VAV3: variants seen among roughly 807,000 people sequenced by gnomAD.
VAV3 encodes the protein guanine nucleotide exchange factor VAV3.
In VAV3, 94 loss-of-function variants were observed where a neutral mutation model predicts 131.2. The observed-to-expected ratio is 0.72, with a 90% CI of 0.61 to 0.85. The LOEUF (loss-of-function observed/expected upper bound fraction) is 0.85. Ranked by LOEUF, VAV3 falls within the 40% of genes least tolerant of loss-of-function variation. The pLI is 0.00. For synonymous variants in VAV3, 349 were observed against 342.0 expected (o/e 1.02, Z -0.22); for missense variants, 939 against 1,002.7 (o/e 0.94, Z 0.86).
chr1:107,888,219 A>T (rs1671132878), intron 1 of VAV3, among the ~76,000 whole-genome samples: 1 of 152,212 alleles, frequency 6.6e-6, no homozygotes, highest in Non-Finnish European at 1.5e-5. Flanking sequence ...GTGCAACTAA[A>T]AACAAAGTGC....
intron 2 of VAV3, among the ~76,000 whole-genome samples, chr1:107,815,036 A>AT (rs1401556869): frequency 5.3e-5 from 8 of 152,228 alleles, no homozygotes; most frequent in Admixed American, 1.3e-4. Flanking sequence ...GGAAAATTCC[A>AT]TATCAGTTTT....
chr1:107,798,758 C>T (rs562070287), intron 2 of VAV3, among the ~76,000 whole-genome samples: 19 of 148,950 alleles, frequency 1.3e-4, no homozygotes, highest in East Asian at 1.2e-3. Flanking sequence ...GAACATGCAC[C>T]GAACTGTCAA....
At chr1:107,678,061 T>C (rs1232537784) in intron 19 of VAV3, 1 of 152,068 alleles carries the variant, frequency 6.6e-6, no homozygotes, top group Non-Finnish European at 1.5e-5. Context: ...TACAAGAAGA[T>C]CAACTGTCCT....
At chr1:107,579,959 G>A (rs1570551110) in intron 25 of VAV3, among the ~76,000 whole-genome samples, 1 of 152,116 alleles carries the variant, frequency 6.6e-6, no homozygotes, top group East Asian at 1.9e-4. Flanking sequence ...CAAAAGTCCA[G>A]CCCAGACCCC....
intron 2 of VAV3, among the ~76,000 whole-genome samples, chr1:107,866,917 G>T (rs926802224): frequency 6.7e-6 from 1 of 148,158 alleles, no homozygotes; most frequent in African/African-American, 2.5e-5. Context: ...AAATAGAAAT[G>T]TCTCCAAAGG....
At chr1:107,963,850 C>T (rs1675269313) in intron 1 of VAV3, among the ~76,000 whole-genome samples, 2 of 152,238 alleles carry the variant, frequency 1.3e-5, no homozygotes, top group African/African-American at 4.8e-5. Context: ...TACTCTTCCA[C>T]TGAACTGTGA....
chr1:107,707,261 G>T (rs1244025247), intron 15 of VAV3, among the ~76,000 whole-genome samples: 2 of 152,144 alleles, frequency 1.3e-5, no homozygotes, highest in Non-Finnish European at 2.9e-5. Context: ...CCCTGAAACT[G>T]CTGCTGAGGC....
intron 20 of VAV3, among the ~76,000 whole-genome samples, chr1:107,623,675 C>T (rs1370356759): frequency 6.6e-6 from 1 of 152,200 alleles, no homozygotes; most frequent in Non-Finnish European, 1.5e-5. Context: ...CCAAGCCTAC[C>T]TGCATATGGT....
At chr1:107,593,231 A>G (rs1651107177) in intron 25 of VAV3, among the ~76,000 whole-genome samples, 1 of 152,132 alleles carries the variant, frequency 6.6e-6, no homozygotes, top group African/African-American at 2.4e-5. Context: ...TTTGCATAAG[A>G]TAGTCCTGTC....
chr1:107,923,432 T>A (rs1447772474), intron 1 of VAV3, among the ~76,000 whole-genome samples: 1 of 152,110 alleles, frequency 6.6e-6, no homozygotes, highest in Non-Finnish European at 1.5e-5. Flanking sequence ...AGAGCCTTCA[T>A]GAATGAAATT....
chr1:107,836,986 T>C (rs940457439), intron 2 of VAV3, among the ~76,000 whole-genome samples: 2 of 151,934 alleles, frequency 1.3e-5, no homozygotes, highest in Admixed American at 1.3e-4. Flanking sequence ...AAAGAAAAAC[T>C]GGTACCAGTC....
chr1:107,700,399 T>TG (rs1309610059), intron 17 of VAV3, among the ~76,000 whole-genome samples: 7 of 152,234 alleles, frequency 4.6e-5, no homozygotes, highest in African/African-American at 1.7e-4. Flanking sequence ...TATCAACGCA[T>TG]CACCTAAGAA....
intron 17 of VAV3, among the ~76,000 whole-genome samples, chr1:107,698,196 C>A (rs939767803): frequency 6.6e-6 from 1 of 152,134 alleles, no homozygotes; most frequent in Non-Finnish European, 1.5e-5. Context: ...TTGGATGGTT[C>A]ATTTATGATT....
At chr1:107,877,821 C>T (rs1670575786) in intron 1 of VAV3, among the ~76,000 whole-genome samples, 1 of 152,170 alleles carries the variant, frequency 6.6e-6, no homozygotes, top group African/African-American at 2.4e-5. Flanking sequence ...GATTTTCCCA[C>T]TGCTCCAAAA....
intron 19 of VAV3, among the ~76,000 whole-genome samples, chr1:107,670,479 ATT>A (rs201685860): frequency 6.8e-6 from 1 of 147,984 alleles, no homozygotes; most frequent in African/African-American, 2.5e-5. Flanking sequence ...GATTAAACAT[ATT>A]TTTTTTTTTG....
At chr1:107,777,361 C>A in intron 3 of VAV3, 65 bp from the exon 4 acceptor site, 1 of 1,433,132 alleles carries the variant, frequency 7.0e-7, no homozygotes, top group Non-Finnish European at 9.8e-7. Context: ...AACAATCAGG[C>A]TGCGCACTTA....
At chr1:107,757,931 C>T (rs924502746) in intron 10 of VAV3, among the ~76,000 whole-genome samples, 1 of 152,126 alleles carries the variant, frequency 6.6e-6, no homozygotes, top group Non-Finnish European at 1.5e-5. Context: ...ACCTCATGGG[C>T]CAATTACTGT....
At chr1:107,937,232 CCAT>C (rs1163679724) in intron 1 of VAV3, among the ~76,000 whole-genome samples, 1 of 152,184 alleles carries the variant, frequency 6.6e-6, no homozygotes, top group Non-Finnish European at 1.5e-5. Flanking sequence ...CAAAACACCA[CCAT>C]GACTATTGAG....
chr1:107,948,289 C>T (rs1674368604), intron 1 of VAV3, among the ~76,000 whole-genome samples: 1 of 151,160 alleles, frequency 6.6e-6, no homozygotes, highest in Admixed American at 6.6e-5. Flanking sequence ...AAGTGCTTCA[C>T]ATGAGAAATT....
Sources: gnomAD v4.1 joint callset for allele counts (sites outside exome capture counted in the v4.1 genomes callset) on GRCh38, gnomAD v4.1.1 for gene constraint, MANE v1.5 for transcripts, NCBI Gene and HGNC (gene_info 2026-07-23, HGNC 2026-07-21) for gene names.